The following ANKRD11 variants were observed in gnomAD, a reference collection of about 807,000 sequenced individuals.
ANKRD11 encodes ankyrin repeat domain-containing protein 11.
A neutral mutation model predicts 195.7 loss-of-function variants in ANKRD11; 17 were observed. The ratio of observed to expected loss-of-function variants is 0.09; its 90% CI spans 0.06 to 0.13. The LOEUF (loss-of-function observed/expected upper bound fraction) is 0.13, where lower values mean the gene tolerates loss of function less well. ANKRD11 is among the 10% of genes least tolerant of loss of function. The pLI is 1.00. For synonymous variants in ANKRD11, 1,953 were observed against 1,528.1 expected, an observed-to-expected ratio of 1.28 and a Z score of -6.49; for missense variants, 3,735 against 3,566.1, an observed-to-expected ratio of 1.05 and a Z score of -1.21.
intron 2 of ANKRD11, chr16:89,320,494 G>A (rs993365281): frequency 2.0e-5 from 3 of 152,238 alleles, no homozygotes; most frequent in Admixed American, 6.5e-5. Flanking sequence ...TAAACGCAGA[G>A]CCGAGGGGCC....
intron 11 of ANKRD11, chr16:89,272,079 CA>C (rs1243607687): frequency 2.6e-5 from 4 of 152,080 alleles, no homozygotes; most frequent in Admixed American, 1.3e-4. Context: ...AAAAAACGGG[CA>C]AAAGATCTGA....
Position 89,322,331 on chromosome 16 carries a change from A to G in ANKRD11, c.-59-5253T>C, listed in dbSNP as rs373762684. Among the ~76,000 whole-genome samples the G allele has an allele frequency of 9.8e-5, 15 of 152,364 alleles. No homozygotes were observed. In the East Asian group the frequency reaches 1.2e-3, roughly 12 times the overall value. On this transcript the variant is annotated intron_variant, in intron 2 of 12. Transcript: ENST00000301030. ...CAGATTTGTCTTCCACAGTATGTTG[A>G]TAGAACAGGCCTTTACGTACGTCCT...
At chr16:89,484,681 A>T (rs1411950302) in intron 1 of ANKRD11, among the ~76,000 whole-genome samples, 1 of 152,342 alleles carries the variant, frequency 6.6e-6, no homozygotes. Context: ...TTAGGCATTT[A>T]CAAATAACAT....
At chr16:89,292,053 C>T (rs2035095695) in intron 4 of ANKRD11, among the ~76,000 whole-genome samples, 1 of 152,190 alleles carries the variant, frequency 6.6e-6, no homozygotes, top group Non-Finnish European at 1.5e-5. Flanking sequence ...AGGGGCCAGA[C>T]ACCTCTGAAT....
rs1567615135 is a variant in ANKRD11 at position 89,305,669 on chromosome 16, TCCCACTCCGCAGACACGCGCC to T, written c.88-346_88-326del. Among the ~76,000 whole-genome samples, 24 of 37,776 alleles carry T rather than the reference TCCCACTCCGCAGACACGCGCC, an allele frequency of 6.4e-4. 1 individual carries two copies. Among genetic ancestry groups the T allele is most frequent in the African/African-American group, 2.0e-3 (22 of 11,010 alleles). The allele number at this position is 37,776 out of a possible 152,430, so 24.8% of individuals were successfully genotyped here. A position where few individuals can be genotyped will look rare whatever the true frequency, so the allele number is the denominator to read the frequency against. On this transcript the variant is annotated intron_variant, in intron 3 of 12. Transcript: ENST00000301030. ...TCTCACTCCGCAGACACGCGCTACC[TCCCACTCCGCAGACACGCGCC>T]ACCTCCCACTCCGCAGACACGCGCC...
At chr16:89,395,044 A>T (rs564444444) in intron 2 of ANKRD11, among the ~76,000 whole-genome samples, 4 of 152,370 alleles carry the variant, frequency 2.6e-5, no homozygotes, top group Admixed American at 2.0e-4. Context: ...TCATCTTAAA[A>T]GTTCTGCAGG....
chr16:89,291,791 C>T lies in ANKRD11; in HGVS notation c.227-608G>A. On this transcript the variant is annotated intron_variant, in intron 4 of 12. Transcript: ENST00000301030. The surrounding 1 kb of genome is among the most constrained non-coding windows in gnomAD (Gnocchi z 5.3). ...GGCTGGAGGCATCTGAAGGCATCAA[C>T]ACAGAGCACTAACAAGACACGGTGT... 1 of 1,289,060 alleles carries T rather than the reference C, an allele frequency of 7.8e-7. No homozygotes were observed. Among genetic ancestry groups the T allele is most frequent in the African/African-American group, 1.5e-5 (1 of 65,976 alleles). The allele number at this position is 1,289,060 out of a possible 1,614,324, so 79.9% of individuals were successfully genotyped here. A position where few individuals can be genotyped will look rare whatever the true frequency, so the allele number is the denominator to read the frequency against.
At position 89,281,215 on chromosome 16, in the gene ANKRD11, C is replaced by G; in HGVS notation, c.5327G>C (p.Ser1776Thr). ...VASSGLSENA[S>T]QAPARPLSTN... ...GGAGAGAGGCCTGGCAGGAGCCTGG[C>G]TGGCGTTTTCCGAAAGCCCACTTGA... The change falls in exon 9 of 13, where the codon AGC becomes ACC. Residue 1776 changes from serine to threonine, a missense_variant. Physicochemically the swap from Ser to Thr is moderately conservative, Grantham distance 58. Coordinates refer to ENST00000301030, the MANE Select transcript of ANKRD11 (RefSeq NM_013275.6). The surrounding 1 kb of genome is among the most constrained non-coding windows in gnomAD (Gnocchi z 5.5). The G allele has an allele frequency of 6.2e-7, 1 of 1,614,180 alleles. No individual in the cohort carries two copies. The highest frequency in any genetic ancestry group is 1.1e-5 in the South Asian group (1 of 91,078).
chr16:89,280,684 G>C lies in ANKRD11; in HGVS notation c.5858C>G (p.Pro1953Arg), dbSNP rs138255986. The C allele has an allele frequency of 6.2e-6, 10 of 1,613,270 alleles. No individual in the cohort carries two copies. Among genetic ancestry groups the C allele is most frequent in the Non-Finnish European group, 8.5e-6 (10 of 1,179,930 alleles). ...ITEEPVEWAH[P>R]SEQALASSLI... ...GCTAGAGGCAAGCGCCTGCTCGGAGGGGTGGGCCCACTCAACGGGCTCCTC... is the reference window on the plus strand; with the variant it reads ...GCTAGAGGCAAGCGCCTGCTCGGAGCGGTGGGCCCACTCAACGGGCTCCTC... Residue 1953 changes from proline to arginine, a missense_variant, in exon 9 of 13, where the codon CCC becomes CGC. Physicochemically the swap from Pro to Arg is moderately radical, Grantham distance 103 (BLOSUM62 -2). Transcript: ENST00000301030.
chr16:89,343,115 A>G (rs1229372982), intron 2 of ANKRD11, among the ~76,000 whole-genome samples: 1 of 152,110 alleles, frequency 6.6e-6, no homozygotes, highest in Non-Finnish European at 1.5e-5. Context: ...CAGCCTCCCG[A>G]GTAGCTGGGA....
chr16:89,467,011 T>C (rs1405862272), intron 1 of ANKRD11, among the ~76,000 whole-genome samples: 1 of 152,246 alleles, frequency 6.6e-6, no homozygotes, highest in African/African-American at 2.4e-5. Context: ...GAGCTAGTTA[T>C]GAATAACAAA....
At chr16:89,377,741 C>G (rs1366163333) in intron 2 of ANKRD11, among the ~76,000 whole-genome samples, 2 of 152,122 alleles carry the variant, frequency 1.3e-5, no homozygotes, top group Non-Finnish European at 2.9e-5. Flanking sequence ...GGCACTGAAA[C>G]TAAAGCCAAC....
Position 89,282,441 on chromosome 16 carries a change from C to G in ANKRD11, c.4101G>C (p.Lys1367Asn). 1 of 1,614,142 alleles carries G rather than the reference C, an allele frequency of 6.2e-7. No individual in the cohort carries two copies. The highest frequency in any genetic ancestry group is 8.5e-7 in the Non-Finnish European group (1 of 1,180,036). ...SKKSHDRERA[K>N]KEKAEKKEKG... ...TCTCTTTCTTCTCGGCCTTCTCTTT[C>G]TTGGCTCGCTCTCGGTCGTGGCTCT... Residue 1367 changes from lysine to asparagine, a missense_variant, in exon 9 of 13, where the codon AAG (lysine) becomes AAC (asparagine). Coordinates refer to ENST00000301030, the MANE Select transcript of ANKRD11 (RefSeq NM_013275.6).
chr16:89,300,681 A>C (rs1202966267), intron 4 of ANKRD11: 1 of 538,376 alleles, frequency 1.9e-6, no homozygotes, highest in Non-Finnish European at 3.3e-6. Flanking sequence ...GCCGTCTCCT[A>C]TCTGAGGCAC....
chr16:89,353,849 A>G (rs1335030104), intron 2 of ANKRD11, among the ~76,000 whole-genome samples: 2 of 152,190 alleles, frequency 1.3e-5, no homozygotes, highest in East Asian at 3.9e-4. Context: ...AACACACATC[A>G]GCCCTGAGAC....
intron 1 of ANKRD11, among the ~76,000 whole-genome samples, chr16:89,481,462 C>T (rs2057443201): frequency 6.6e-6 from 1 of 152,130 alleles, no homozygotes; most frequent in African/African-American, 2.4e-5. Flanking sequence ...GACGTTGACG[C>T]AGGAGGCTCA....
chr16:89,319,546 C>A (rs150185788), intron 2 of ANKRD11, among the ~76,000 whole-genome samples: 1,818 of 152,348 alleles, frequency 0.012, 57 homozygotes, highest in Admixed American at 0.057. Context: ...CTTCCAGGAC[C>A]CTCGTGTCCG....
At position 89,281,977 on chromosome 16, in the gene ANKRD11, C is replaced by G; in HGVS notation, c.4565G>C (p.Gly1522Ala). Residue 1522 changes from glycine to alanine, a missense_variant, in exon 9 of 13, where the codon GGC (glycine) becomes GCC (alanine). Transcript: ENST00000301030. The surrounding 1 kb of genome is among the most constrained non-coding windows in gnomAD (Gnocchi z 5.5). ...RVLKDKSRDE[G>A]PRLGDAKLKE... ...CAGTTTGGCATCGCCGAGCCTCGGG[C>G]CCTCGTCCCTGGACTTGTCTTTGAG... 1.9e-6 allele frequency: 3 copies of G among 1,612,854 alleles called. No individual in the cohort carries two copies. Among genetic ancestry groups the G allele is most frequent in the Non-Finnish European group, 2.5e-6 (3 of 1,180,040 alleles).
rs377204946 is a variant in ANKRD11, at chr16:89,283,486, C to T, written c.3056G>A (p.Arg1019Lys). 39 of 1,613,986 alleles carry T rather than the reference C, an allele frequency of 2.4e-5. No individual in the cohort carries two copies. The highest frequency in any genetic ancestry group is 3.1e-5 in the Non-Finnish European group (36 of 1,180,054). The change falls in exon 9 of 13, where the codon AGG becomes AAG. Residue 1019 changes from arginine to lysine, a missense_variant. Arg to Lys is a conservative substitution (Grantham distance 26). Transcript: ENST00000301030. The surrounding 1 kb of genome is among the most constrained non-coding windows in gnomAD (Gnocchi z 4.3). ...KEKKDGPDKERKEKTKPERYK... is the reference protein window; with the variant it reads ...KEKKDGPDKEKKEKTKPERYK... ...TCTTTCTGGTTTTGTCTTCTCCTTCCTTTCCTTATCGGGGCCATCCTTCTT... is the reference window on the plus strand; with the variant it reads ...TCTTTCTGGTTTTGTCTTCTCCTTCTTTTCCTTATCGGGGCCATCCTTCTT...
Sources: allele counts gnomAD v4.1 joint callset (sites outside exome capture counted in the v4.1 genomes callset), GRCh38; gene constraint gnomAD v4.1.1; non-coding constraint Gnocchi (gnomAD v3.1); transcripts MANE v1.5; gene names NCBI Gene and HGNC (gene_info 2026-07-23, HGNC 2026-07-21).